The following TTN variants were observed in gnomAD, a reference collection of about 807,000 sequenced individuals.
TTN encodes titin, also known as connectin.
Under a neutral mutation model 3,223.0 loss-of-function variants are expected in TTN, and 1,525 were observed. That is an observed-to-expected ratio of 0.47 (90% confidence interval 0.45 to 0.49). The LOEUF is 0.49. TTN is among the 20% of genes least tolerant of loss of function. The pLI, the probability that TTN is intolerant of heterozygous loss-of-function variation, is 0.00. For missense variants in TTN, 40,786 were observed against 43,424.0 expected (o/e 0.94, Z 5.40); for synonymous variants, 14,094 against 15,161.0 (o/e 0.93, Z 5.17).
rs2057561826 is a variant in TTN, at chr2:178,617,504, T to A, written c.47581A>T (p.Ser15861Cys). The A allele has an allele frequency of 1.9e-6, 3 of 1,583,666 alleles. No homozygotes were observed. Among genetic ancestry groups the A allele is most frequent in the Non-Finnish European group, 2.6e-6 (3 of 1,170,846 alleles). The change falls in exon 254 of 363, where the codon AGT becomes TGT. Residue 15861 changes from serine (S) to cysteine (C), a missense_variant. Ser to Cys is a moderately radical substitution (Grantham distance 112, BLOSUM62 -1). Coordinates refer to ENST00000589042, the MANE Select transcript of TTN (RefSeq NM_001267550.2). The stretch of plus-strand genomic sequence containing the variant: ...GAGGAAGTTAGGTTTACAGGAGGAC[T>A]TGGTCTCTCTGGAATAAAAGAAGGA... ...VKVADPIERPSPPVNLTSSDQ... is the reference protein window; with the variant it reads ...VKVADPIERPCPPVNLTSSDQ...
chr2:178,741,750 T>C lies in TTN; in HGVS notation c.11483A>G (p.Asn3828Ser). 1 of 1,613,664 alleles carries C rather than the reference T, an allele frequency of 6.2e-7. No individual in the cohort carries two copies. Among genetic ancestry groups the C allele is most frequent in the South Asian group, 1.1e-5 (1 of 91,076 alleles). Residue 3828 changes from asparagine to serine, a missense_variant, in exon 48 of 363, where the codon AAT becomes AGT. Coordinates refer to ENST00000589042, the MANE Select transcript of TTN (RefSeq NM_001267550.2). ...CACATCCCCCATGCTTATATCAGCA[T>C]TTGACACTTCTTTGATGAAAATTGG... ...TGPIFIKEVS[N>S]ADISMGDVAT...
intron 109 of TTN, among the ~76,000 whole-genome samples, chr2:178,701,831 T>G (rs1157484691): frequency 1.3e-5 from 2 of 152,206 alleles, no homozygotes; most frequent in African/African-American, 4.8e-5. Flanking sequence ...ATCAGCTGAG[T>G]GAGACCTTAT....
chr2:178,594,330 T>C lies in TTN; in HGVS notation c.58150+14A>G. Reference sequence around the variant, plus strand: ...GTGCAAGTTTCAGAAGTATAAATTGTAGTAGACACATACCCAGCTCATCCT... The same window carrying C: ...GTGCAAGTTTCAGAAGTATAAATTGCAGTAGACACATACCCAGCTCATCCT... On this transcript the variant is annotated intron_variant, in intron 296 of 362. Coordinates refer to ENST00000589042, the MANE Select transcript of TTN (RefSeq NM_001267550.2). 6.3e-7 allele frequency: 1 copy of C among 1,591,438 alleles called. No individual in the cohort carries two copies. The highest frequency in any genetic ancestry group is 1.4e-5 in the African/African-American group (1 of 73,580).
chr2:178,533,833 G>C lies in TTN; in HGVS notation c.102782C>G (p.Thr34261Ser). Residue 34261 changes from threonine to serine, a missense_variant, in exon 358 of 363, where the codon ACC (threonine) becomes AGC (serine). By Grantham distance (58) the Thr-to-Ser change is moderately conservative. Transcript: ENST00000589042. ...MRLLERPPEF[T>S]LPLYNKTAYV... ...AGCTGTCTTATTATAGAGAGGCAGG[G>C]TAAATTCTGGTGGCCTTTCCAGGAG... 1 of 1,613,962 alleles carries C rather than the reference G, an allele frequency of 6.2e-7. No homozygotes were observed. The highest frequency in any genetic ancestry group is 8.5e-7 in the Non-Finnish European group (1 of 1,179,872).
chr2:178,635,905 T>C lies in TTN; in HGVS notation c.41608+58A>G. 4 of 1,534,976 alleles carry C rather than the reference T, an allele frequency of 2.6e-6. No individual in the cohort carries two copies. In the South Asian group the frequency reaches 5.3e-5, roughly 20 times the overall value. On this transcript the variant is annotated intron_variant, in intron 226 of 362. Coordinates refer to ENST00000589042, the MANE Select transcript of TTN (RefSeq NM_001267550.2). Reference sequence around the variant, plus strand: ...TGTAATACTGGGAAACGAGGTCCTTTCTTCCATTTTCTTAGTGTAACAATA... The same window carrying C: ...TGTAATACTGGGAAACGAGGTCCTTCCTTCCATTTTCTTAGTGTAACAATA...
rs745937932 is a variant in TTN, at chr2:178,741,487, G to C, written c.11746C>G (p.His3916Asp). The change falls in exon 48 of 363, where the codon CAC becomes GAC. Residue 3916 changes from histidine to aspartate, a missense_variant. Transcript: ENST00000589042. ...GCTGATTCTGTTTCAGTGTCTTTGT[G>C]ACCCTCTCCTTTGGAATTAATTTTT... ...YLKINSKGEG[H>D]KDTETESAVA... 6.2e-7 allele frequency: 1 copy of C among 1,613,816 alleles called. No homozygotes were observed. Among genetic ancestry groups the C allele is most frequent in the Admixed American group, 1.7e-5 (1 of 59,992 alleles).
intron 40 of TTN, 132 bp from the exon 41 acceptor site, chr2:178,766,744 T>G (rs1165954020): frequency 4.1e-6 from 3 of 729,118 alleles, no homozygotes; most frequent in Non-Finnish European, 7.0e-6. Flanking sequence ...ATGTAATAAG[T>G]TGGCTGATTA....
At chr2:178,646,754 T>C (rs1212459421) in intron 215 of TTN, among the ~76,000 whole-genome samples, 195 bp from the exon 216 acceptor site, 1 of 152,048 alleles carries the variant, frequency 6.6e-6, no homozygotes, top group Non-Finnish European at 1.5e-5. Context: ...GATTATTCAA[T>C]GTATATTGAT....
chr2:178,527,123 G>C lies in TTN; in HGVS notation c.107865C>G (p.Thr35955=). The C allele has an allele frequency of 6.2e-7, 1 of 1,613,888 alleles. No individual in the cohort carries two copies. Residue 35955 remains threonine, a synonymous_variant, in exon 363 of 363, where the codon ACC becomes ACG. Transcript: ENST00000589042. ...FHIENTDDLT[T]LIIMDVQKQD... is the part of the protein sequence containing the mutation. ...GTTTCTGTACGTCCATGATGATCAGGGTTGTCAGGTCATCTGTGTTTTCAA... is the reference window on the plus strand; with the variant it reads ...GTTTCTGTACGTCCATGATGATCAGCGTTGTCAGGTCATCTGTGTTTTCAA...
rs770253655 is a variant in TTN at position 178,715,063 on chromosome 2, G to A, written c.26123C>T (p.Ala8708Val). The change falls in exon 90 of 363, where the codon GCA (alanine) becomes GTA (valine). Residue 8708 changes from alanine to valine, a missense_variant. Transcript: ENST00000589042. ...TTTACACTGATATTCCCCAATGTCTGCAGCATCGACATTCAGGATGTGGAT... is the reference window on the plus strand; with the variant it reads ...TTTACACTGATATTCCCCAATGTCTACAGCATCGACATTCAGGATGTGGAT... ...TSIHILNVDAADIGEYQCKAT... is the reference protein window; with the variant it reads ...TSIHILNVDAVDIGEYQCKAT... 3.7e-6 allele frequency: 6 copies of A among 1,613,596 alleles called. No homozygotes were observed. The Admixed American group carries it at 1.0e-4, about 27-fold the overall frequency.
intron 47 of TTN, chr2:178,747,163 C>G (rs753987884): frequency 6.2e-7 from 1 of 1,609,492 alleles, no homozygotes. Flanking sequence ...TCTCTAGAGT[C>G]TCTCCTGGGG....
At position 178,725,561 on chromosome 2, in the gene TTN, C is replaced by T; in HGVS notation, c.20643G>A (p.Gln6881=). 1 of 1,613,070 alleles carries T rather than the reference C, an allele frequency of 6.2e-7. No homozygotes were observed. Among genetic ancestry groups the T allele is most frequent in the Non-Finnish European group, 8.5e-7 (1 of 1,179,428 alleles). Residue 6881 remains glutamine (Q), a synonymous_variant, in exon 71 of 363, where the codon CAG becomes CAA. Transcript: ENST00000589042. ...AELQASIEGA[Q]PIFVQWLKEK... ...CTTTAAGCCACTGGACAAAAATAGG[C>T]TGGGCGCCTTCTATGGATGCTTGTA...
In TTN at chr2:178,725,578, A is replaced by T. The variant is rs1359024577; in HGVS notation, c.20626T>A (p.Ser6876Thr). 3.7e-6 allele frequency: 6 copies of T among 1,612,384 alleles called. No homozygotes were observed. Among genetic ancestry groups the T allele is most frequent in the Non-Finnish European group, 5.1e-6 (6 of 1,179,166 alleles). ...AAAATAGGCTGGGCGCCTTCTATGG[A>T]TGCTTGTAATTCAGCAGGCTCTCCG... ...VAGEPAELQA[S>T]IEGAQPIFVQ... is the part of the protein sequence containing the mutation. The change falls in exon 71 of 363, where the codon TCC (serine) becomes ACC (threonine). Residue 6876 changes from serine to threonine, a missense_variant. Physicochemically the swap from Ser to Thr is moderately conservative, Grantham distance 58. Transcript: ENST00000589042.
In TTN at chr2:178,590,575, T is replaced by C; in HGVS notation, c.61150A>G (p.Ser20384Gly). Residue 20384 changes from serine (S) to glycine (G), a missense_variant, in exon 304 of 363, where the codon AGC becomes GGC. Ser to Gly is a moderately conservative substitution (Grantham distance 56). Transcript: ENST00000589042. ...CACACCAAATCAGCTGTTTCTCTGC[T>C]CTTGTCTTTCAGTTTAGGATTAATA... is the stretch of plus-strand genomic sequence containing the variant. ...PPINPKLKDKSRETADLVWTK... is the reference protein window; with the variant it reads ...PPINPKLKDKGRETADLVWTK... 6.2e-7 allele frequency: 1 copy of C among 1,612,642 alleles called. No homozygotes were observed. The highest frequency in any genetic ancestry group is 8.5e-7 in the Non-Finnish European group (1 of 1,179,244).
At chr2:178,698,747 C>G in intron 112 of TTN, 96 bp downstream of exon 112, 3 of 1,213,038 alleles carry the variant, frequency 2.5e-6, no homozygotes, top group Non-Finnish European at 3.4e-6. Flanking sequence ...TTTGTGATTG[C>G]AAACTCTTAC....
chr2:178,776,143 T>A lies in TTN; in HGVS notation c.5721A>T (p.Thr1907=), dbSNP rs962076607. Residue 1907 remains threonine (T), a synonymous_variant, in exon 28 of 363, where the codon ACA becomes ACT. Transcript: ENST00000589042. ...LDIVDCKSYD[T]GEVKVTAENP... is the part of the protein sequence containing the mutation. Reference sequence around the variant, plus strand: ...TTTCCGCGGTGACCTTCACTTCACCTGTGTCATATGATTTGCAGTCCACGA... The same window carrying A: ...TTTCCGCGGTGACCTTCACTTCACCAGTGTCATATGATTTGCAGTCCACGA... 3 of 1,614,184 alleles carry A rather than the reference T, an allele frequency of 1.9e-6. No individual in the cohort carries two copies. Among genetic ancestry groups the A allele is most frequent in the Non-Finnish European group, 2.5e-6 (3 of 1,179,998 alleles).
Position 178,563,441 on chromosome 2 carries a change from G to A in TTN, c.82691C>T (p.Ala27564Val), listed in dbSNP as rs55634791. The A allele has an allele frequency of 1.2e-3, 1,907 of 1,613,416 alleles. 1 individual carries two copies. The highest frequency in any genetic ancestry group is 1.5e-3 in the Non-Finnish European group (1,766 of 1,179,716). ...EPSEPSVFYR[A>V]CDALYPPGPP... ...ACCTGGTGGATACAAGGCATCACAC[G>A]CACGGTAGAAAACAGATGGCTCACT... The change falls in exon 326 of 363, where the codon GCG (alanine) becomes GTG (valine). Residue 27564 changes from alanine to valine, a missense_variant. Ala to Val is a moderately conservative substitution (Grantham distance 64, BLOSUM62 0). Transcript: ENST00000589042. The surrounding 1 kb of genome is among the most constrained non-coding windows in gnomAD (Gnocchi z 4.5).
Position 178,602,575 on chromosome 2 carries a change from G to A in TTN, c.54827C>T (p.Pro18276Leu), listed in dbSNP as rs971758179. Residue 18276 changes from proline to leucine, a missense_variant, in exon 283 of 363, where the codon CCT (proline) becomes CTT (leucine). Coordinates refer to ENST00000589042, the MANE Select transcript of TTN (RefSeq NM_001267550.2). The part of the protein sequence containing the change: ...AGDPIFPPGP[P>L]SCPEVKDKTK... The stretch of plus-strand genomic sequence containing the variant: ...TTTATCTTTAACTTCTGGGCAAGAA[G>A]GTGGCCCCGGTGGAACTAATAACAA... 3 of 1,516,716 alleles carry A rather than the reference G, an allele frequency of 2.0e-6. No individual in the cohort carries two copies. The highest frequency in any genetic ancestry group is 2.6e-6 in the Non-Finnish European group (3 of 1,134,788). 94.0% of individuals were successfully genotyped at this position (1,516,716 alleles called of 1,614,324 possible).
intron 223 of TTN, 41 bp from the exon 224 acceptor site, chr2:178,637,460 A>G (rs2060647319): frequency 2.3e-6 from 3 of 1,327,346 alleles, no homozygotes; most frequent in Admixed American, 3.1e-5. Context: ...CACTTTTCGG[A>G]CTTATTTCAT....
Sources: gnomAD v4.1 joint callset for allele counts (sites outside exome capture counted in the v4.1 genomes callset) on GRCh38, gnomAD v4.1.1 for gene constraint, Gnocchi (gnomAD v3.1) non-coding constraint, MANE v1.5 for transcripts, NCBI Gene and HGNC (gene_info 2026-07-23, HGNC 2026-07-21) for gene names.